The following SYTL2 variants were observed in gnomAD, a reference collection of about 807,000 sequenced individuals.
The protein encoded by SYTL2 is synaptotagmin like 2, also known as synaptotagmin-like protein 2.
In SYTL2, 165 loss-of-function variants were observed where a neutral mutation model predicts 198.7. The ratio of observed to expected loss-of-function variants is 0.83; its 90% CI spans 0.73 to 0.94. The LOEUF is 0.94. SYTL2 is among the 40% of genes least tolerant of loss of function. SYTL2 has a pLI of 0.00. For missense variants in SYTL2, 2,835 were observed against 2,582.8 expected (o/e 1.10, Z -2.12); for synonymous variants, 966 against 917.7 (o/e 1.05, Z -0.95).
At chr11:85,807,741 T>A (rs1337488843) in intron 1 of SYTL2, among the ~76,000 whole-genome samples, 1 of 152,190 alleles carries the variant, frequency 6.6e-6, no homozygotes, top group Non-Finnish European at 1.5e-5. Flanking sequence ...AGAGTACAGC[T>A]TGACCCTGCA....
intron 1 of SYTL2, 109 bp from the exon 2 acceptor site, chr11:85,758,223 A>C (rs1023497744): frequency 6.5e-6 from 1 of 152,934 alleles, no homozygotes; most frequent in Non-Finnish European, 1.5e-5. Flanking sequence ...CTCTGAGATC[A>C]AGGAAACCAG....
At chr11:85,719,075 C>CA in intron 9 of SYTL2, 1 of 1,505,708 alleles carries the variant, frequency 6.6e-7, no homozygotes, top group Non-Finnish European at 8.9e-7. Flanking sequence ...CTGCTGCACA[C>CA]AGACTCCCAA....
chr11:85,849,743 T>C, the SYTL2 span, among the ~76,000 whole-genome samples: 1 of 149,340 alleles, frequency 6.7e-6, no homozygotes, highest in Non-Finnish European at 1.5e-5. Context: ...TTTGTTCTTT[T>C]GGCTTAGGAT....
the SYTL2 span, among the ~76,000 whole-genome samples, chr11:85,837,541 T>G: frequency 6.6e-6 from 1 of 152,276 alleles, no homozygotes; most frequent in East Asian, 1.9e-4. Context: ...AAGAATATAC[T>G]TCCCCCTATT....
intron 1 of SYTL2, among the ~76,000 whole-genome samples, chr11:85,758,587 G>C (rs2091983837): frequency 6.6e-6 from 1 of 152,212 alleles, no homozygotes; most frequent in Non-Finnish European, 1.5e-5. Flanking sequence ...ATAGTTTGCA[G>C]AAGAGTGAGA....
upstream of SYTL2, among the ~76,000 whole-genome samples, chr11:85,815,590 T>C (rs909634084): frequency 2.0e-5 from 3 of 152,220 alleles, no homozygotes; most frequent in African/African-American, 7.2e-5. Context: ...ATTATCTTGT[T>C]TGATCTTCAT....
At chr11:85,792,420 C>A (rs2092743451) in intron 1 of SYTL2, among the ~76,000 whole-genome samples, 1 of 151,960 alleles carries the variant, frequency 6.6e-6, no homozygotes. Context: ...AACTTTGGAG[C>A]CCATTTAATG....
chr11:85,723,703 T>C (rs188378819), intron 8 of SYTL2, among the ~76,000 whole-genome samples: 1 of 152,292 alleles, frequency 6.6e-6, no homozygotes, highest in East Asian at 1.9e-4. Flanking sequence ...TAAAGAGAAG[T>C]CAACTCAGAC....
upstream of SYTL2, among the ~76,000 whole-genome samples, chr11:85,812,938 C>T (rs2093054117): frequency 6.6e-6 from 1 of 152,172 alleles, no homozygotes; most frequent in Non-Finnish European, 1.5e-5. Context: ...TTGGTTATCC[C>T]CTTCCTGCCC....
At position 85,762,487 on chromosome 11, in the gene SYTL2, A is replaced by T. The variant is rs199676929; in HGVS notation, c.-389-4373T>A. 9.2e-5 allele frequency among the ~76,000 whole-genome samples: 14 copies of T among 152,336 alleles called. No individual in the cohort carries two copies. In the East Asian group the frequency reaches 2.5e-3, roughly 27 times the overall value. ...CTGACCAAGACACATTCTCAGGCTT[A>T]AAATCCTTCACCAACTTCCCACTGA... On this transcript the variant is annotated intron_variant, in intron 1 of 19. Transcript: ENST00000359152.
chr11:85,741,745 C>G (rs948231882), intron 4 of SYTL2, among the ~76,000 whole-genome samples: 2 of 152,124 alleles, frequency 1.3e-5, no homozygotes, highest in South Asian at 2.1e-4. Context: ...AAATTAATAT[C>G]TACGAAAGAC....
Position 85,725,434 on chromosome 11 carries a change from T to G in SYTL2, c.3924A>C (p.Pro1308=). Residue 1308 remains proline, a synonymous_variant, in exon 8 of 20, where the codon CCA becomes CCC. Coordinates refer to ENST00000359152, the MANE Select transcript of SYTL2 (RefSeq NM_206927.4). ...LIQMAAEDSH[P]LDPTSQLSRK... The stretch of plus-strand genomic sequence containing the variant: ...TGGAAAGCTGGGAAGTTGGATCCAA[T>G]GGATGAGAATCTTCTGCAGCCATCT... The G allele has an allele frequency of 1.9e-6, 3 of 1,614,118 alleles. No individual in the cohort carries two copies. The highest frequency in any genetic ancestry group is 2.5e-6 in the Non-Finnish European group (3 of 1,179,992).
the SYTL2 span, among the ~76,000 whole-genome samples, chr11:85,828,866 G>C: frequency 6.6e-6 from 1 of 152,180 alleles, no homozygotes; most frequent in Admixed American, 6.5e-5. Context: ...TCATCATCAA[G>C]TAAATAGTGG....
chr11:85,834,019 G>A, the SYTL2 span, among the ~76,000 whole-genome samples: 3 of 152,056 alleles, frequency 2.0e-5, no homozygotes, highest in Non-Finnish European at 4.4e-5. Context: ...GATTAAAGGT[G>A]TGAGCCACCA....
intron 7 of SYTL2, 187 bp downstream of exon 7, chr11:85,733,752 A>AG (rs2090065687): frequency 2.0e-6 from 1 of 511,522 alleles, no homozygotes; most frequent in Non-Finnish European, 3.5e-6. Flanking sequence ...GGCGCCCGCC[A>AG]CCGCGCCCGG....
intron 12 of SYTL2, 151 bp downstream of exon 12, chr11:85,714,262 A>G: frequency 1.6e-6 from 1 of 614,814 alleles, no homozygotes; most frequent in Non-Finnish European, 2.9e-6. Flanking sequence ...TTCCAGGATG[A>G]ACAACACTAC....
the SYTL2 span, among the ~76,000 whole-genome samples, chr11:85,850,049 A>G: frequency 1.4e-5 from 2 of 146,738 alleles, no homozygotes; most frequent in Non-Finnish European, 3.0e-5. Flanking sequence ...CTTTGAAGCA[A>G]TTGTGAATGG....
Position 85,726,386 on chromosome 11 carries a change from A to C in SYTL2, c.2972T>G (p.Leu991Ter), listed in dbSNP as rs2089176803. 1 of 1,613,478 alleles carries C rather than the reference A, an allele frequency of 6.2e-7. No homozygotes were observed. The highest frequency in any genetic ancestry group is 8.5e-7 in the Non-Finnish European group (1 of 1,179,902). ...ATCCTTACTGTTTGAATTAGCTTCT[A>C]AGTCCCAAAACTTTCTCAAATTCTC... ...QFENLRKFWD[L>*]EANSNSKDND... The change falls in exon 8 of 20, where the codon TTA becomes TGA. Residue 991 changes from leucine (L) to a stop codon, truncating the protein, a stop_gained. Coordinates refer to ENST00000359152, the MANE Select transcript of SYTL2 (RefSeq NM_206927.4). LOFTEE classifies it high-confidence loss of function.
rs767338262 is a variant in SYTL2 at position 85,724,146 on chromosome 11, G to A, written c.5212C>T (p.Leu1738=). 1.2e-6 allele frequency: 2 copies of A among 1,601,558 alleles called. No individual in the cohort carries two copies. The highest frequency in any genetic ancestry group is 2.7e-5 in the African/African-American group (2 of 74,028). ...TCTTGTTTCATATATGGCGATGCTAGAGTCAATTCAACTTTACTTGTTTTT... is the reference window on the plus strand; with the variant it reads ...TCTTGTTTCATATATGGCGATGCTAAAGTCAATTCAACTTTACTTGTTTTT... ...STKTSKVELT[L]ASPYMKQEKE... is the part of the protein sequence containing the mutation. Residue 1738 remains leucine (L), a synonymous_variant, in exon 8 of 20, where the codon CTA becomes TTA. Transcript: ENST00000359152.
Sources: allele counts gnomAD v4.1 joint callset (sites outside exome capture counted in the v4.1 genomes callset), GRCh38; gene constraint gnomAD v4.1.1; transcripts MANE v1.5; gene names NCBI Gene and HGNC (gene_info 2026-07-23, HGNC 2026-07-21).